TSHZ2: variants seen among roughly 807,000 people sequenced by gnomAD.
The protein encoded by TSHZ2 is teashirt zinc finger homeobox 2.
In TSHZ2, 21 loss-of-function variants were observed where a neutral mutation model predicts 74.4. The observed-to-expected ratio is 0.28, with a 90% CI of 0.20 to 0.41. TSHZ2 has a LOEUF of 0.41. Among genes scored for constraint, TSHZ2 ranks in the 10% least tolerant of loss-of-function variants. The pLI, the probability that TSHZ2 is intolerant of heterozygous loss-of-function variation, is 1.00. For synonymous variants in TSHZ2, 540 were observed against 515.3 expected (o/e 1.05, Z -0.65); for missense variants, 1,244 against 1,293.5 (o/e 0.96, Z 0.59).
intron 1 of TSHZ2, among the ~76,000 whole-genome samples, chr20:52,988,489 C>T (rs1363297754): frequency 6.6e-6 from 1 of 151,756 alleles, no homozygotes; most frequent in Non-Finnish European, 1.5e-5. Flanking sequence ...AGCACAGACT[C>T]ACATAAATAA....
intron 1 of TSHZ2, among the ~76,000 whole-genome samples, chr20:53,014,339 T>C (rs1285019096): frequency 1.3e-5 from 2 of 152,140 alleles, no homozygotes; most frequent in Non-Finnish European, 1.5e-5. Context: ...TACCATCACA[T>C]TGAGGGTCTG....
chr20:53,344,894 G>A (rs1980375091), intron 2 of TSHZ2, among the ~76,000 whole-genome samples: 1 of 152,186 alleles, frequency 6.6e-6, no homozygotes, highest in Admixed American at 6.5e-5. Flanking sequence ...CACCTCCTAT[G>A]AGCCAAGAAG....
intron 1 of TSHZ2, among the ~76,000 whole-genome samples, chr20:53,006,930 G>GA (rs11086408): frequency 0.43 from 65,225 of 151,938 alleles, 14,386 homozygotes; most frequent in Non-Finnish European, 0.47. Context: ...AGTTAGAGGG[G>GA]AAAACTGAAT....
intron 1 of TSHZ2, among the ~76,000 whole-genome samples, chr20:53,250,881 G>A (rs1990311269): frequency 7.1e-6 from 1 of 141,064 alleles, no homozygotes; most frequent in African/African-American, 2.7e-5. Context: ...GTTTGAAAAT[G>A]ACTATACTGG....
Position 53,455,356 on chromosome 20 carries a change from G to A in TSHZ2, c.*9-31788G>A, listed in dbSNP as rs577692505. ...AGAGGTCCTATCTGTCTTGTTCCTT[G>A]GTGTGTCCTCTGTATCAAAGCGGTA... On this transcript the variant is annotated intron_variant, in intron 2 of 2. Coordinates refer to ENST00000371497, the MANE Select transcript of TSHZ2 (RefSeq NM_173485.6). The A allele has an allele frequency of 2.0e-5, 3 of 152,086 alleles. No individual in the cohort carries two copies. In the South Asian group the frequency reaches 6.2e-4, roughly 32 times the overall value. The allele number at this position is 152,086 out of a possible 1,614,324, so 9.4% of individuals were successfully genotyped here.
chr20:53,390,664 C>T (rs753183305), intron 2 of TSHZ2, among the ~76,000 whole-genome samples: 12 of 152,132 alleles, frequency 7.9e-5, no homozygotes, highest in Non-Finnish European at 1.6e-4. Flanking sequence ...ATAATGGACC[C>T]AGTAATGGGA....
At chr20:53,387,050 C>T (rs1352235454) in intron 2 of TSHZ2, among the ~76,000 whole-genome samples, 1 of 152,166 alleles carries the variant, frequency 6.6e-6, no homozygotes, top group Non-Finnish European at 1.5e-5. Context: ...GGTCTGGAAA[C>T]ATGACCACCA....
chr20:53,281,051 A>C (rs1028711912), intron 2 of TSHZ2, among the ~76,000 whole-genome samples: 20 of 152,320 alleles, frequency 1.3e-4, no homozygotes, highest in African/African-American at 4.8e-4. Context: ...TTGTATCCAG[A>C]AATGAGCAAG....
At chr20:53,348,911 C>T (rs1468586902) in intron 2 of TSHZ2, among the ~76,000 whole-genome samples, 2 of 152,176 alleles carry the variant, frequency 1.3e-5, no homozygotes, top group Admixed American at 6.5e-5. Flanking sequence ...TTCCGAGCCC[C>T]GCAAGGATAC....
intron 1 of TSHZ2, among the ~76,000 whole-genome samples, chr20:53,101,043 G>T (rs1679346443): frequency 6.6e-6 from 1 of 151,978 alleles, no homozygotes; most frequent in Non-Finnish European, 1.5e-5. Context: ...CCTTTTACCT[G>T]GTCTGTTTAA....
intron 2 of TSHZ2, among the ~76,000 whole-genome samples, chr20:53,265,585 T>C (rs1397540270): frequency 6.6e-6 from 1 of 152,198 alleles, no homozygotes; most frequent in Non-Finnish European, 1.5e-5. Flanking sequence ...ATAGGCGCCA[T>C]GGCAGTAAAT....
chr20:53,089,684 G>T (rs748231836), intron 1 of TSHZ2, among the ~76,000 whole-genome samples: 3 of 152,164 alleles, frequency 2.0e-5, no homozygotes, highest in African/African-American at 7.2e-5. Flanking sequence ...CATAAGATAC[G>T]TGGCTATAAG....
chr20:53,491,635 C>T lies in TSHZ2; in HGVS notation c.*4500C>T, dbSNP rs973119488. 1 of 152,138 alleles carries T rather than the reference C, an allele frequency of 6.6e-6. No individual in the cohort carries two copies. Among genetic ancestry groups the T allele is most frequent in the Non-Finnish European group, 1.5e-5 (1 of 68,038 alleles). 9.4% of individuals were successfully genotyped at this position (152,138 alleles called of 1,614,324 possible). On this transcript the variant is annotated 3_prime_UTR_variant, in exon 3 of 3. Transcript: ENST00000371497. ...CCAATAGTTACGAACAATGGGCTAA[C>T]AGGCGTGGGTGTTTCTCCAAAAATT...
At position 52,975,854 on chromosome 20, in the gene TSHZ2, C is replaced by A. The variant is rs183959204; in HGVS notation, c.40+2521C>A. 6.6e-5 allele frequency among the ~76,000 whole-genome samples: 10 copies of A among 152,184 alleles called. No homozygotes were observed. In the East Asian group the frequency reaches 1.7e-3, roughly 26 times the overall value. ...TTGGGGTTCTGTAGTCAGTTAACAT[C>A]CAGGGAAGGGGAGAAGGTGGGTTCT... On this transcript the variant is annotated intron_variant, in intron 1 of 2. Coordinates refer to ENST00000371497, the MANE Select transcript of TSHZ2 (RefSeq NM_173485.6).
chr20:53,260,755 T>TTACAAGAAAGCACATAGTAGGTC (rs1192140784), intron 2 of TSHZ2, among the ~76,000 whole-genome samples: 6 of 152,158 alleles, frequency 3.9e-5, no homozygotes, highest in Non-Finnish European at 8.8e-5. Flanking sequence ...CATAGTAGGT[T>TTACAAGAAAGCACATAGTAGGTC]TACAAGAAAG....
intron 1 of TSHZ2, among the ~76,000 whole-genome samples, chr20:53,062,028 A>T (rs543127246): frequency 2.0e-5 from 3 of 152,314 alleles, no homozygotes; most frequent in Admixed American, 2.0e-4. Context: ...TTTCTTTAAA[A>T]AAAGTAGGCC....
chr20:53,257,946 G>A (rs550050226), intron 2 of TSHZ2, among the ~76,000 whole-genome samples: 9 of 152,306 alleles, frequency 5.9e-5, no homozygotes, highest in East Asian at 1.9e-4. Context: ...GGTAGAGAGC[G>A]GTATTTACAT....
In TSHZ2 at chr20:53,134,969, A is replaced by AACACAC. The variant is rs34194089; in HGVS notation, c.41-118512_41-118507dup. 7.7e-5 allele frequency among the ~76,000 whole-genome samples: 11 copies of AACACAC among 143,250 alleles called. No individual in the cohort carries two copies. In the East Asian group the frequency reaches 1.2e-3, roughly 16 times the overall value. The allele number at this position is 143,250 out of a possible 152,430, so 94.0% of individuals were successfully genotyped here. The stretch of plus-strand genomic sequence containing the variant: ...CAGGCCATCTCTCCCCTGACAAAGA[A>AACACAC]ACACACACACACACACACACACATA... On this transcript the variant is annotated intron_variant, in intron 1 of 2. Transcript: ENST00000371497.
intron 1 of TSHZ2, among the ~76,000 whole-genome samples, chr20:53,029,566 C>T (rs994767583): frequency 6.6e-6 from 1 of 152,156 alleles, no homozygotes; most frequent in African/African-American, 2.4e-5. Context: ...ATCCCAGCTA[C>T]TTGGGAAGCT....
Sources: gnomAD v4.1 joint callset for allele counts (sites outside exome capture counted in the v4.1 genomes callset) on GRCh38, gnomAD v4.1.1 for gene constraint, MANE v1.5 for transcripts, NCBI Gene and HGNC (gene_info 2026-07-23, HGNC 2026-07-21) for gene names.